Variants in ANAPC16 observed in about 807,000 individuals in gnomAD.
ANAPC16 encodes anaphase-promoting complex subunit 16.
In ANAPC16, 6 loss-of-function variants were observed where a neutral mutation model predicts 13.1. The observed-to-expected ratio is 0.46, with a 90% CI of 0.25 to 0.90. ANAPC16 has a LOEUF of 0.90. ANAPC16 is among the 40% of genes least tolerant of loss of function. ANAPC16 has a pLI of 0.18. For synonymous variants in ANAPC16, 55 were observed against 51.3 expected, an observed-to-expected ratio of 1.07 and a Z score of -0.31; for missense variants, 113 against 131.1, an observed-to-expected ratio of 0.86 and a Z score of 0.67.
At chr10:72,230,833 A>G (rs750938618) in intron 3 of ANAPC16, among the ~76,000 whole-genome samples, 45 of 151,938 alleles carry the variant, frequency 3.0e-4, no homozygotes, top group Non-Finnish European at 5.6e-4. Context: ...TGAGGCTGCA[A>G]TGAGCCGGAA....
At chr10:72,224,746 A>G (rs1860064850) in intron 2 of ANAPC16, among the ~76,000 whole-genome samples, 1 of 152,082 alleles carries the variant, frequency 6.6e-6, no homozygotes, top group African/African-American at 2.4e-5. Flanking sequence ...AGGGTGATTA[A>G]TCTACGGATA....
At chr10:72,223,081 A>ATTTT (rs1234948268) in intron 1 of ANAPC16, 2 of 124,868 alleles carry the variant, frequency 1.6e-5, no homozygotes, top group African/African-American at 6.6e-5. Flanking sequence ...TGAAAAGGTT[A>ATTTT]ATTTTTTTTT....
chr10:72,217,794 G>C (rs1191920426), intron 1 of ANAPC16, among the ~76,000 whole-genome samples: 1 of 152,070 alleles, frequency 6.6e-6, no homozygotes, highest in Admixed American at 6.6e-5. Flanking sequence ...ATTACAGGTT[G>C]AGTATCCTTA....
chr10:72,220,946 C>G (rs1353689782), intron 1 of ANAPC16: 1 of 152,116 alleles, frequency 6.6e-6, no homozygotes, highest in Admixed American at 6.6e-5. Flanking sequence ...GATGGAGTTT[C>G]GCTCTTGTTG....
chr10:72,217,914 G>T (rs574586566), intron 1 of ANAPC16, among the ~76,000 whole-genome samples: 1 of 151,526 alleles, frequency 6.6e-6, no homozygotes, highest in East Asian at 1.9e-4. Context: ...GGATTTGAGA[G>T]GCTTAATCAT....
intron 3 of ANAPC16, among the ~76,000 whole-genome samples, chr10:72,232,445 G>A (rs1860345135): frequency 6.6e-6 from 1 of 150,634 alleles, no homozygotes; most frequent in African/African-American, 2.4e-5. Flanking sequence ...TCAGGAGGCT[G>A]AGGCGGGAGA....
intron 1 of ANAPC16, among the ~76,000 whole-genome samples, chr10:72,217,344 G>T (rs1009103070): frequency 6.6e-6 from 1 of 151,864 alleles, no homozygotes; most frequent in African/African-American, 2.4e-5. Flanking sequence ...GTGTGGTGGC[G>T]GGCGCCTGTA....
intron 1 of ANAPC16, among the ~76,000 whole-genome samples, chr10:72,222,278 C>T (rs777241930): frequency 7.0e-4 from 106 of 151,338 alleles, no homozygotes; most frequent in Non-Finnish European, 6.9e-4. Flanking sequence ...ATTAGCTGGG[C>T]GTGGTGGCAC....
chr10:72,231,473 C>T (rs1252055981), intron 3 of ANAPC16, among the ~76,000 whole-genome samples: 2 of 151,604 alleles, frequency 1.3e-5, no homozygotes, highest in Non-Finnish European at 2.9e-5. Context: ...GCCCAGGAGG[C>T]ATACTCCAGC....
chr10:72,222,506 G>T (rs192255002), intron 1 of ANAPC16, among the ~76,000 whole-genome samples: 160 of 130,022 alleles, frequency 1.2e-3, no homozygotes, highest in African/African-American at 5.7e-3. Flanking sequence ...GCCAGGCGCA[G>T]TGGCTCATGC....
intron 1 of ANAPC16, 174 bp from the exon 2 acceptor site, chr10:72,223,714 C>T: frequency 2.2e-6 from 1 of 454,776 alleles, no homozygotes; most frequent in Non-Finnish European, 3.8e-6. Context: ...AGTTCAAAAC[C>T]TGACTGATAT....
At chr10:72,224,197 T>C in intron 2 of ANAPC16, 141 bp downstream of exon 2, 1 of 1,037,358 alleles carries the variant, frequency 9.6e-7, no homozygotes, top group Non-Finnish European at 1.3e-6. Flanking sequence ...CTCAAAATAG[T>C]ATCTTTAAAA....
At chr10:72,225,866 A>G (rs1033916442) in intron 2 of ANAPC16, among the ~76,000 whole-genome samples, 1 of 149,926 alleles carries the variant, frequency 6.7e-6, no homozygotes, top group Non-Finnish European at 1.5e-5. Context: ...ATGCCACTGT[A>G]CTCCAGGCTG....
At chr10:72,224,669 A>AC (rs1860062413) in intron 2 of ANAPC16, among the ~76,000 whole-genome samples, 3 of 149,794 alleles carry the variant, frequency 2.0e-5, no homozygotes, top group Admixed American at 2.0e-4. Context: ...TTGACCTCCT[A>AC]CTCCAGTTTG....
In ANAPC16 at chr10:72,230,432, T is replaced by A. The variant is rs1382558015; in HGVS notation, c.209T>A (p.Val70Glu). 1.2e-6 allele frequency: 2 copies of A among 1,613,784 alleles called. No individual in the cohort carries two copies. The highest frequency in any genetic ancestry group is 2.7e-5 in the African/African-American group (2 of 74,932). The change falls in exon 3 of 4, where the codon GTG becomes GAG. Residue 70 changes from valine (V) to glutamate (E), a missense_variant. By Grantham distance (121) the Val-to-Glu change is moderately radical. Transcript: ENST00000299381. The part of the protein sequence containing the change: ...SYQVASTLKQ[V>E]KHDQQVARME... ...CAAGTGGCATCCACGCTTAAACAGG[T>A]GAAACATGGTAAGCACATGAGTGTT...
At chr10:72,224,672 C>CCA (rs975743311) in intron 2 of ANAPC16, among the ~76,000 whole-genome samples, 1 of 151,128 alleles carries the variant, frequency 6.6e-6, no homozygotes, top group African/African-American at 2.4e-5. Flanking sequence ...ACCTCCTACT[C>CCA]CAGTTTGCTT....
Position 72,233,990 on chromosome 10 carries a change from C to T in ANAPC16, c.*874C>T. ...TCTTTATAGGAGTACATAAATTTAT[C>T]TTAATGATATTTAAGTAGTTTTTTT... On this transcript the variant is annotated 3_prime_UTR_variant, in exon 4 of 4. Coordinates refer to ENST00000299381, the MANE Select transcript of ANAPC16 (RefSeq NM_173473.4). 1 of 151,332 alleles carries T rather than the reference C, an allele frequency of 6.6e-6. No homozygotes were observed. The highest frequency in any genetic ancestry group is 2.1e-4 in the South Asian group (1 of 4,810). 9.4% of individuals were successfully genotyped at this position (151,332 alleles called of 1,614,324 possible).
At position 72,234,303 on chromosome 10, in the gene ANAPC16, C is replaced by G. The variant is rs1338445410; in HGVS notation, c.*1187C>G. 6.6e-6 allele frequency: 1 copy of G among 152,266 alleles called. No homozygotes were observed. Among genetic ancestry groups the G allele is most frequent in the Non-Finnish European group, 1.5e-5 (1 of 68,174 alleles). The allele number at this position is 152,266 out of a possible 1,614,324, so 9.4% of individuals were successfully genotyped here. On this transcript the variant is annotated 3_prime_UTR_variant, in exon 4 of 4. Transcript: ENST00000299381. Reference sequence around the variant, plus strand: ...GATTACAGGCGTGAGCCACCTTGCCCAGCCAATTTTTTTTTAAAGAGACAT... The same window carrying G: ...GATTACAGGCGTGAGCCACCTTGCCGAGCCAATTTTTTTTTAAAGAGACAT...
At chr10:72,223,082 ATTTTTTTTTTTT>A (rs67344471) in intron 1 of ANAPC16, 3 of 86,382 alleles carry the variant, frequency 3.5e-5, no homozygotes, top group South Asian at 4.7e-4. Context: ...GAAAAGGTTA[ATTTTTTTTTTTT>A]TTTTTTTTTT....
Sources: gnomAD v4.1 joint callset for allele counts (sites outside exome capture counted in the v4.1 genomes callset) on GRCh38, gnomAD v4.1.1 for gene constraint, MANE v1.5 for transcripts, NCBI Gene and HGNC (gene_info 2026-07-23, HGNC 2026-07-21) for gene names.